Variants in MYO3A observed in about 807,000 individuals in gnomAD.
MYO3A encodes myosin-IIIa.
MYO3A carries 180 observed loss-of-function variants against 192.7 expected under a neutral mutation model. The ratio of observed to expected loss-of-function variants is 0.93; its 90% CI spans 0.83 to 1.06. The LOEUF is 1.06. Among genes scored for constraint, MYO3A ranks in the 50% least tolerant of loss-of-function variants. The pLI is 0.00. For missense variants in MYO3A, 1,896 were observed against 1,905.0 expected (o/e 1.00, Z 0.09); for synonymous variants, 628 against 645.3 (o/e 0.97, Z 0.41).
At chr10:26,161,630 C>T (rs1841489638) in intron 26 of MYO3A, among the ~76,000 whole-genome samples, 1 of 152,152 alleles carries the variant, frequency 6.6e-6, no homozygotes, top group Admixed American at 6.5e-5. Flanking sequence ...CTTCAAGCTT[C>T]AATGTCCTTG....
chr10:26,112,979 A>G (rs1462509420), intron 17 of MYO3A, among the ~76,000 whole-genome samples: 1 of 152,224 alleles, frequency 6.6e-6, no homozygotes, highest in Non-Finnish European at 1.5e-5. Flanking sequence ...TCTTATGTCT[A>G]AGATGAGAAT....
At chr10:25,971,101 C>G (rs1251273522) in intron 4 of MYO3A, among the ~76,000 whole-genome samples, 1 of 150,732 alleles carries the variant, frequency 6.6e-6, no homozygotes, top group East Asian at 1.9e-4. Context: ...TAGAACCGTG[C>G]ATTTTTTTTA....
chr10:26,075,048 G>C (rs80339630), intron 14 of MYO3A, among the ~76,000 whole-genome samples: 1 of 151,918 alleles, frequency 6.6e-6, no homozygotes, highest in South Asian at 2.1e-4. Context: ...TCAGTTGACC[G>C]TAAATGTTTG....
At chr10:26,072,396 G>C (rs1012692328) in intron 14 of MYO3A, among the ~76,000 whole-genome samples, 3 of 152,114 alleles carry the variant, frequency 2.0e-5, no homozygotes, top group Non-Finnish European at 4.4e-5. Context: ...GCTTTAATCG[G>C]GTGCTGCACC....
At position 26,211,885 on chromosome 10, in the gene MYO3A, G is replaced by A; in HGVS notation, c.4773G>A (p.Glu1591=). The A allele has an allele frequency of 6.2e-7, 1 of 1,613,978 alleles. No individual in the cohort carries two copies. The highest frequency in any genetic ancestry group is 8.5e-7 in the Non-Finnish European group (1 of 1,179,956). ...GCCCCGAGAAGGAGGAGGAGAGAGA[G>A]CCAGCAGCCAACCCCTACGACTTCA... ...AESPEKEEER[E]PAANPYDFRR... Residue 1591 remains glutamate (E), a synonymous_variant, in exon 35 of 35, where the codon GAG becomes GAA. Transcript: ENST00000642920.
intron 26 of MYO3A, among the ~76,000 whole-genome samples, chr10:26,161,085 C>T (rs910312447): frequency 2.0e-5 from 3 of 152,158 alleles, no homozygotes; most frequent in Admixed American, 1.3e-4. Flanking sequence ...ATAGAGAACA[C>T]ATGAATAGCT....
At chr10:26,033,425 C>A (rs568332391) in intron 10 of MYO3A, among the ~76,000 whole-genome samples, 1 of 152,258 alleles carries the variant, frequency 6.6e-6, no homozygotes, top group South Asian at 2.1e-4. Flanking sequence ...ATTATGCCAA[C>A]CAGAAATCCA....
At chr10:26,102,201 C>T (rs1588958682) in intron 17 of MYO3A, among the ~76,000 whole-genome samples, 1 of 152,192 alleles carries the variant, frequency 6.6e-6, no homozygotes, top group East Asian at 1.9e-4. Context: ...GCTACTGAAG[C>T]TTTTGCATGC....
At chr10:26,099,961 G>GATAGGAATAATTTCAGAAGGAATGGT (rs1837328877) in intron 17 of MYO3A, among the ~76,000 whole-genome samples, 1 of 152,126 alleles carries the variant, frequency 6.6e-6, no homozygotes, top group Non-Finnish European at 1.5e-5. Flanking sequence ...TTTTTCTATT[G>GATAGGAATAATTTCAGAAGGAATGGT]ATAGGAATAA....
intron 23 of MYO3A, 113 bp from the exon 24 acceptor site, chr10:26,153,731 ATATGAT>A: frequency 1.5e-6 from 1 of 677,664 alleles, no homozygotes; most frequent in Non-Finnish European, 2.6e-6. Context: ...TTAACCAAGC[ATATGAT>A]TATGAATATT....
At chr10:26,188,986 C>CA (rs1231547087) in intron 31 of MYO3A, among the ~76,000 whole-genome samples, 1 of 152,084 alleles carries the variant, frequency 6.6e-6, no homozygotes, top group African/African-American at 2.4e-5. Flanking sequence ...TTTTTGGTTC[C>CA]ATATGAACTT....
chr10:25,989,046 C>A (rs1489873570), intron 4 of MYO3A, among the ~76,000 whole-genome samples: 1 of 149,586 alleles, frequency 6.7e-6, no homozygotes, highest in Non-Finnish European at 1.5e-5. Context: ...TGGGCTCATG[C>A]AATCCTGCCT....
intron 10 of MYO3A, among the ~76,000 whole-genome samples, chr10:26,052,830 G>GAT (rs35271857): frequency 6.7e-6 from 1 of 150,044 alleles, no homozygotes; most frequent in Non-Finnish European, 1.5e-5. Context: ...AACAATAGTT[G>GAT]TTTTTTTTTC....
intron 6 of MYO3A, among the ~76,000 whole-genome samples, chr10:26,015,543 T>C (rs1389126414): frequency 6.6e-6 from 1 of 152,322 alleles, no homozygotes; most frequent in East Asian, 1.9e-4. Flanking sequence ...AGAGTGACTT[T>C]TCTTTCCAGC....
At chr10:26,044,267 G>C (rs1055667454) in intron 10 of MYO3A, among the ~76,000 whole-genome samples, 1 of 152,252 alleles carries the variant, frequency 6.6e-6, no homozygotes, top group Non-Finnish European at 1.5e-5. Context: ...GCTGTGAGCT[G>C]TGCAGCCTGT....
chr10:26,196,526 T>G (rs1413530264), intron 32 of MYO3A, among the ~76,000 whole-genome samples: 1 of 152,128 alleles, frequency 6.6e-6, no homozygotes, highest in East Asian at 1.9e-4. Context: ...CAATGAAAAA[T>G]AACACAGAAA....
At chr10:26,049,665 CTTTCTTTCTTT>C (rs1455581752) in intron 10 of MYO3A, among the ~76,000 whole-genome samples, 5 of 71,522 alleles carry the variant, frequency 7.0e-5, no homozygotes, top group African/African-American at 1.7e-4. Flanking sequence ...TTCTTTCTTT[CTTTCTTTCTTT>C]TTTTTTTTTT....
intron 4 of MYO3A, among the ~76,000 whole-genome samples, chr10:25,970,697 A>G (rs1838584002): frequency 6.6e-6 from 1 of 151,952 alleles, no homozygotes; most frequent in Admixed American, 6.6e-5. Flanking sequence ...GATCCAGAGA[A>G]AAGTAAGAAA....
At chr10:25,960,899 T>G (rs1017552901) in intron 4 of MYO3A, among the ~76,000 whole-genome samples, 25 of 152,194 alleles carry the variant, frequency 1.6e-4, no homozygotes, top group Non-Finnish European at 1.5e-5. Context: ...TTGAGATAGG[T>G]TTGTATTTTT....
Sources: allele counts gnomAD v4.1 joint callset (sites outside exome capture counted in the v4.1 genomes callset), GRCh38; gene constraint gnomAD v4.1.1; transcripts MANE v1.5; gene names NCBI Gene and HGNC (gene_info 2026-07-23, HGNC 2026-07-21).